Variants in SDK1 observed in about 807,000 individuals in gnomAD.
The protein encoded by SDK1 is sidekick cell adhesion molecule 1.
A neutral mutation model predicts 245.5 loss-of-function variants in SDK1; 157 were observed. The observed-to-expected ratio is 0.64, with a 90% CI of 0.56 to 0.73. The LOEUF (loss-of-function observed/expected upper bound fraction) is 0.73, where lower values mean the gene tolerates loss of function less well. Ranked by LOEUF, SDK1 falls within the 30% of genes least tolerant of loss-of-function variation. SDK1 has a pLI of 0.00. For synonymous variants in SDK1, 1,647 were observed against 1,278.5 expected, an observed-to-expected ratio of 1.29 and a Z score of -6.15; for missense variants, 3,583 against 3,002.3, an observed-to-expected ratio of 1.19 and a Z score of -4.52.
At chr7:4,175,145 A>G (rs1782115603) in intron 33 of SDK1, among the ~76,000 whole-genome samples, 1 of 152,180 alleles carries the variant, frequency 6.6e-6, no homozygotes, top group Non-Finnish European at 1.5e-5. Flanking sequence ...AGCAGCTCCT[A>G]TGCTCCTATG....
chr7:4,192,466 A>T (rs1422212664), intron 35 of SDK1, among the ~76,000 whole-genome samples: 1 of 152,092 alleles, frequency 6.6e-6, no homozygotes, highest in Non-Finnish European at 1.5e-5. Context: ...TAGTAGAGAC[A>T]GGGTTTCACT....
intron 13 of SDK1, among the ~76,000 whole-genome samples, chr7:3,983,140 C>T (rs775100036): frequency 6.6e-6 from 1 of 152,114 alleles, no homozygotes; most frequent in Non-Finnish European, 1.5e-5. Context: ...GCAAAGATAC[C>T]GTGAACATTG....
At chr7:4,036,211 CT>C (rs1388193921) in intron 17 of SDK1, among the ~76,000 whole-genome samples, 1 of 152,138 alleles carries the variant, frequency 6.6e-6, no homozygotes, top group Non-Finnish European at 1.5e-5. Flanking sequence ...TTGAGAGCAA[CT>C]TTTTTCTTGA....
Position 3,554,816 on chromosome 7 carries a change from T to C in SDK1, c.299-64264T>C, listed in dbSNP as rs1483914857. Among the ~76,000 whole-genome samples, 5 of 151,930 alleles carry C rather than the reference T, an allele frequency of 3.3e-5. No individual in the cohort carries two copies. In the East Asian group the frequency reaches 9.7e-4, roughly 29 times the overall value. The stretch of plus-strand genomic sequence containing the variant: ...AAAACAAACAATCTGAAAAAAGAAA[T>C]CAAGAAACTAATCCCATTTACAATA... On this transcript the variant is annotated intron_variant, in intron 1 of 44. Transcript: ENST00000404826.
chr7:3,329,929 A>G (rs1476273195), intron 1 of SDK1, among the ~76,000 whole-genome samples: 2 of 152,204 alleles, frequency 1.3e-5, no homozygotes, highest in Non-Finnish European at 1.5e-5. Context: ...ATATGCAAAT[A>G]CTATGCTGTT....
intron 19 of SDK1, among the ~76,000 whole-genome samples, chr7:4,063,136 C>G (rs1179651475): frequency 2.6e-5 from 4 of 152,078 alleles, no homozygotes; most frequent in Admixed American, 2.6e-4. Context: ...TAAAAGGCAT[C>G]TAAATTGGAA....
At chr7:3,431,006 T>C (rs1290679562) in intron 1 of SDK1, among the ~76,000 whole-genome samples, 3 of 152,320 alleles carry the variant, frequency 2.0e-5, no homozygotes, top group Middle Eastern at 3.4e-3. Flanking sequence ...GTTCAAGTGA[T>C]TCTTCTGCCT....
chr7:4,254,925 G>C (rs950466522), intron 44 of SDK1, among the ~76,000 whole-genome samples: 1 of 152,310 alleles, frequency 6.6e-6, no homozygotes, highest in South Asian at 2.1e-4. Context: ...TCCCCATTAA[G>C]ATTCTGGATG....
At chr7:3,719,150 G>C (rs137896521) in intron 4 of SDK1, among the ~76,000 whole-genome samples, 2 of 151,338 alleles carry the variant, frequency 1.3e-5, no homozygotes, top group African/African-American at 4.9e-5. Context: ...AACAAGAATA[G>C]AAACTATTTT....
At chr7:3,459,250 T>C (rs1341145340) in intron 1 of SDK1, among the ~76,000 whole-genome samples, 1 of 152,230 alleles carries the variant, frequency 6.6e-6, no homozygotes, top group Admixed American at 6.5e-5. Flanking sequence ...ACTGTATTTG[T>C]AGTACCTTTT....
At chr7:4,152,438 A>T (rs572971326) in intron 30 of SDK1, among the ~76,000 whole-genome samples, 1 of 152,214 alleles carries the variant, frequency 6.6e-6, no homozygotes, top group African/African-American at 2.4e-5. Context: ...GTGTGCTCAC[A>T]TATATAAATA....
intron 22 of SDK1, among the ~76,000 whole-genome samples, chr7:4,084,872 C>G (rs532129364): frequency 2.6e-5 from 4 of 152,194 alleles, no homozygotes; most frequent in African/African-American, 9.6e-5. Context: ...AAGTGATTCT[C>G]CTGCCTCAGC....
intron 1 of SDK1, among the ~76,000 whole-genome samples, chr7:3,395,218 G>C (rs1300644639): frequency 6.6e-6 from 1 of 151,828 alleles, no homozygotes; most frequent in Non-Finnish European, 1.5e-5. Flanking sequence ...TGTTTTCTCT[G>C]TACCTGTTGA....
intron 28 of SDK1, among the ~76,000 whole-genome samples, chr7:4,141,881 C>A (rs151016169): frequency 6.6e-6 from 1 of 151,754 alleles, no homozygotes; most frequent in Non-Finnish European, 1.5e-5. Flanking sequence ...CTCAGCCTCC[C>A]GAGCAGTTGG....
At chr7:4,121,784 G>C (rs1468257394) in intron 25 of SDK1, among the ~76,000 whole-genome samples, 4 of 152,088 alleles carry the variant, frequency 2.6e-5, no homozygotes, top group African/African-American at 9.7e-5. Context: ...CTGAAGCTTT[G>C]TTTTGTCAGT....
intron 1 of SDK1, among the ~76,000 whole-genome samples, chr7:3,548,529 G>A (rs1732733270): frequency 6.6e-6 from 1 of 152,184 alleles, no homozygotes; most frequent in South Asian, 2.1e-4. Flanking sequence ...AAACAATGCT[G>A]AGATGAACAT....
intron 1 of SDK1, among the ~76,000 whole-genome samples, chr7:3,515,996 T>G (rs1406300879): frequency 2.0e-5 from 3 of 152,160 alleles, no homozygotes; most frequent in Non-Finnish European, 4.4e-5. Context: ...TTGCTAATTG[T>G]TTTATACTTA....
intron 1 of SDK1, among the ~76,000 whole-genome samples, chr7:3,357,328 G>GTT (rs560124026): frequency 1.9e-5 from 1 of 52,904 alleles, no homozygotes; most frequent in Non-Finnish European, 3.5e-5. Flanking sequence ...TTCTTTTAGT[G>GTT]TTTTTTTTTT....
intron 1 of SDK1, among the ~76,000 whole-genome samples, chr7:3,462,744 C>T (rs749957604): frequency 5.3e-5 from 8 of 152,150 alleles, no homozygotes; most frequent in Non-Finnish European, 1.2e-4. Context: ...CCCCTCCTCT[C>T]TCTATTGCCG....
Sources: gnomAD v4.1 joint callset for allele counts (sites outside exome capture counted in the v4.1 genomes callset) on GRCh38, gnomAD v4.1.1 for gene constraint, MANE v1.5 for transcripts, NCBI Gene and HGNC (gene_info 2026-07-23, HGNC 2026-07-21) for gene names.